Variants in TMEM181 observed in about 807,000 individuals in gnomAD.
TMEM181 encodes transmembrane protein 181.
Under a neutral mutation model 71.9 loss-of-function variants are expected in TMEM181, and 39 were observed. The observed-to-expected ratio is 0.54, with a 90% confidence interval of 0.42 to 0.71. TMEM181 has a LOEUF of 0.71. Among genes scored for constraint, TMEM181 ranks in the 30% least tolerant of loss-of-function variants. The pLI is 0.00. For synonymous variants in TMEM181, 245 were observed against 228.8 expected (o/e 1.07, Z -0.64); for missense variants, 595 against 583.0 (o/e 1.02, Z -0.21).
intron 1 of TMEM181, among the ~76,000 whole-genome samples, chr6:158,549,607 C>T (rs1029817122): frequency 3.3e-5 from 5 of 152,148 alleles, no homozygotes; most frequent in African/African-American, 1.2e-4. Flanking sequence ...GGGAGCAAAG[C>T]ATTGCAGTGG....
intron 6 of TMEM181, among the ~76,000 whole-genome samples, chr6:158,602,173 C>T (rs1420374995): frequency 1.3e-5 from 2 of 152,144 alleles, no homozygotes; most frequent in Non-Finnish European, 2.9e-5. Flanking sequence ...ACAATATGTA[C>T]TTCTCCAATA....
chr6:158,563,559 C>A (rs1452584774), intron 1 of TMEM181, among the ~76,000 whole-genome samples: 1 of 152,244 alleles, frequency 6.6e-6, no homozygotes, highest in Non-Finnish European at 1.5e-5. Context: ...CTGCCTGGAG[C>A]CTCCTGCTAG....
At chr6:158,559,211 CCCTT>C (rs1311150554), upstream of TMEM181, among the ~76,000 whole-genome samples, 1 of 152,176 alleles carries the variant, frequency 6.6e-6, no homozygotes, top group Non-Finnish European at 1.5e-5. Flanking sequence ...GAGTTAGGCA[CCCTT>C]CCTCACTGTA....
At chr6:158,626,272 G>C (rs1383281535) in intron 13 of TMEM181, among the ~76,000 whole-genome samples, 1 of 152,174 alleles carries the variant, frequency 6.6e-6, no homozygotes, top group African/African-American at 2.4e-5. Flanking sequence ...GACCTCCCTG[G>C]GGACCGGTGC....
At chr6:158,545,882 C>T (rs920642150) in intron 1 of TMEM181, among the ~76,000 whole-genome samples, 1 of 152,094 alleles carries the variant, frequency 6.6e-6, no homozygotes, top group African/African-American at 2.4e-5. Context: ...AGGAAAGTGC[C>T]CTCTGCGCTG....
At chr6:158,557,353 C>CAG (rs3085514), upstream of TMEM181, among the ~76,000 whole-genome samples, 95,865 of 151,558 alleles carry the variant, frequency 0.63, 31,115 homozygotes, top group African/African-American at 0.78. Flanking sequence ...GCCTGGGTGA[C>CAG]AGGGAGACTC....
chr6:158,602,880 C>A (rs776631935), intron 6 of TMEM181, among the ~76,000 whole-genome samples: 1 of 152,162 alleles, frequency 6.6e-6, no homozygotes, highest in Non-Finnish European at 1.5e-5. Flanking sequence ...CTGCACCTGG[C>A]CTAATTTACA....
At chr6:158,575,569 C>T (rs1783110850) in intron 2 of TMEM181, among the ~76,000 whole-genome samples, 2 of 152,262 alleles carry the variant, frequency 1.3e-5, no homozygotes, top group East Asian at 1.9e-4. Flanking sequence ...CCGCCTGCCT[C>T]GACCTCCCAA....
chr6:158,604,085 T>G (rs1784811586), intron 6 of TMEM181, among the ~76,000 whole-genome samples: 1 of 152,242 alleles, frequency 6.6e-6, no homozygotes, highest in Admixed American at 6.5e-5. Context: ...CTCTGTCTTG[T>G]GGGTGCCAGG....
At chr6:158,562,181 TA>T (rs1195486575) in intron 1 of TMEM181, among the ~76,000 whole-genome samples, 1 of 152,144 alleles carries the variant, frequency 6.6e-6, no homozygotes, top group African/African-American at 2.4e-5. Context: ...TTTAAAAATG[TA>T]GGAGAGATTG....
intron 6 of TMEM181, among the ~76,000 whole-genome samples, chr6:158,594,324 C>G (rs1024613924): frequency 6.6e-6 from 1 of 152,018 alleles, no homozygotes; most frequent in African/African-American, 2.4e-5. Context: ...GTCTCGAACT[C>G]CTGACCTCTG....
At chr6:158,585,466 G>A (rs1365550432) in intron 5 of TMEM181, 41 bp downstream of exon 5, 1 of 1,474,134 alleles carries the variant, frequency 6.8e-7, no homozygotes, top group Non-Finnish European at 9.0e-7. Context: ...TCCTCAGGCT[G>A]TGTACACGTT....
rs530528271 is a variant in TMEM181, at chr6:158,571,506, GC to G, written c.9-1912del. ...GTAGAGACGGGGTTTCATCGTGTTG[GC>G]CAGGATGGTCTCAATCTCCTGACCT... On this transcript the variant is annotated intron_variant, in intron 1 of 16. Coordinates refer to ENST00000684151, the MANE Select transcript of TMEM181 (RefSeq NM_001376852.1). 3.3e-3 allele frequency among the ~76,000 whole-genome samples: 290 copies of G among 87,240 alleles called. 41 individuals are homozygous for G. The highest frequency in any genetic ancestry group is 7.6e-3 in the Middle Eastern group (1 of 132). 57.2% of individuals were successfully genotyped at this position (87,240 alleles called of 152,430 possible). A position where few individuals can be genotyped will look rare whatever the true frequency, so the allele number is the denominator to read the frequency against.
chr6:158,625,795 T>A, intron 13 of TMEM181, 41 bp downstream of exon 13: 2 of 1,554,862 alleles, frequency 1.3e-6, no homozygotes, highest in Non-Finnish European at 8.8e-7. Context: ...AAACGGAATT[T>A]TTCTTTTACT....
At chr6:158,579,909 G>C (rs143045199) in intron 2 of TMEM181, among the ~76,000 whole-genome samples, 1,772 of 152,280 alleles carry the variant, frequency 0.012, 19 homozygotes, top group Non-Finnish European at 0.016. Flanking sequence ...TGGCAGCCAG[G>C]GGCTGGGGGA....
chr6:158,553,146 C>T (rs1282131111), intron 1 of TMEM181, among the ~76,000 whole-genome samples: 1 of 151,460 alleles, frequency 6.6e-6, no homozygotes, highest in African/African-American at 2.4e-5. Flanking sequence ...TGTGATTGTG[C>T]CATTGCACTC....
Position 158,631,888 on chromosome 6 carries a change from A to T in TMEM181, c.1428A>T (p.Ter476CysextTer21), listed in dbSNP as rs1166796539. The T allele has an allele frequency of 3.3e-5, 52 of 1,583,486 alleles. 1 individual carries two copies. In the Admixed American group the frequency reaches 9.3e-4, roughly 28 times the overall value. ...AKYKEESDSD[*>C] ...ACAAGGAGGAGTCAGATAGTGACTGAGCCCCGGCCAGCCCAGCGAGGCGAC... is the reference window on the plus strand; with the variant it reads ...ACAAGGAGGAGTCAGATAGTGACTGTGCCCCGGCCAGCCCAGCGAGGCGAC... The change falls in exon 17 of 17, where the codon TGA (stop) becomes TGT (cysteine). Residue 476 changes from the stop codon to cysteine, a stop_lost. Transcript: ENST00000684151.
chr6:158,618,004 C>T (rs1785713847), intron 10 of TMEM181, among the ~76,000 whole-genome samples: 1 of 152,192 alleles, frequency 6.6e-6, no homozygotes, highest in South Asian at 2.1e-4. Context: ...CTGCTTGGTG[C>T]AGAGCTGAGT....
intron 13 of TMEM181, 134 bp downstream of exon 13, chr6:158,625,888 CCCACCAAGGCTG>C (rs1786247455): frequency 7.6e-6 from 6 of 786,758 alleles, no homozygotes; most frequent in Admixed American, 2.8e-5. Context: ...TAGAGGGCCT[CCCACCAAGGCTG>C]GGCAGCCGAG....
Sources: gnomAD v4.1 joint callset for allele counts (sites outside exome capture counted in the v4.1 genomes callset) on GRCh38, gnomAD v4.1.1 for gene constraint, MANE v1.5 for transcripts, NCBI Gene and HGNC (gene_info 2026-07-23, HGNC 2026-07-21) for gene names.